DCLK2: variants seen among roughly 807,000 people sequenced by gnomAD.
The protein encoded by DCLK2 is doublecortin like kinase 2.
A neutral mutation model predicts 78.4 loss-of-function variants in DCLK2; 31 were observed. The ratio of observed to expected loss-of-function variants is 0.40; its 90% CI spans 0.30 to 0.53. The LOEUF (loss-of-function observed/expected upper bound fraction) is 0.53, where lower values mean the gene tolerates loss of function less well. Ranked by LOEUF, DCLK2 falls within the 20% of genes least tolerant of loss-of-function variation. The probability of loss-of-function intolerance (pLI) is 0.61; values close to 1 mark genes in which losing one functional copy is unlikely to be tolerated. For synonymous variants in DCLK2, 407 were observed against 374.9 expected, an observed-to-expected ratio of 1.09 and a Z score of -0.99; for missense variants, 872 against 973.7, an observed-to-expected ratio of 0.90 and a Z score of 1.39.
intron 3 of DCLK2, 113 bp downstream of exon 3, chr4:150,193,353 A>G (rs1738614230): frequency 1.7e-6 from 1 of 578,218 alleles, no homozygotes; most frequent in Non-Finnish European, 3.0e-6. Flanking sequence ...TGTTGAGGAA[A>G]GATAGCATTG....
chr4:150,186,894 ATGTG>A (rs10683241), intron 2 of DCLK2, among the ~76,000 whole-genome samples: 28,868 of 147,458 alleles, frequency 0.2, 2,819 homozygotes, highest in African/African-American at 0.22. Flanking sequence ...CTATCTCAAA[ATGTG>A]TGTGTGTGTG....
intron 8 of DCLK2, 113 bp downstream of exon 8, chr4:150,224,671 G>T: frequency 2.6e-6 from 2 of 782,600 alleles, no homozygotes; most frequent in Non-Finnish European, 3.9e-6. Flanking sequence ...AGCAGGAGTA[G>T]AGACCAGTAA....
At chr4:150,188,077 G>A (rs758817337) in intron 2 of DCLK2, among the ~76,000 whole-genome samples, 15 of 152,170 alleles carry the variant, frequency 9.9e-5, no homozygotes, top group South Asian at 2.1e-4. Context: ...GGGATTGCAC[G>A]CGTGAGCCAC....
At chr4:150,167,063 T>C (rs981530206) in intron 2 of DCLK2, among the ~76,000 whole-genome samples, 2 of 152,208 alleles carry the variant, frequency 1.3e-5, no homozygotes, top group South Asian at 4.1e-4. Context: ...GGTAATTCTC[T>C]TTGATATTCA....
In DCLK2 at chr4:150,078,837, C is replaced by G. The variant is rs1366820242; in HGVS notation, c.-191C>G. ...CCTGGGCAGCTCGGCGCTGCGGACA[C>G]TTTTAGCTGAGGGCGCGGGCGGGTC... On this transcript the variant is annotated 5_prime_UTR_variant, in exon 1 of 16. Transcript: ENST00000296550. The G allele has an allele frequency of 2.0e-5, 13 of 665,438 alleles. No homozygotes were observed. Among genetic ancestry groups the G allele is most frequent in the Non-Finnish European group, 2.8e-5 (12 of 428,968 alleles). The allele number at this position is 665,438 out of a possible 1,614,324, so 41.2% of individuals were successfully genotyped here.
At chr4:150,098,985 G>A (rs1291323501) in intron 1 of DCLK2, among the ~76,000 whole-genome samples, 9 of 152,106 alleles carry the variant, frequency 5.9e-5, no homozygotes, top group African/African-American at 1.7e-4. Flanking sequence ...ATGAGCCACC[G>A]TGCCTGGCCT....
At chr4:150,140,530 G>A (rs551914655) in intron 2 of DCLK2, among the ~76,000 whole-genome samples, 2 of 152,286 alleles carry the variant, frequency 1.3e-5, no homozygotes, top group African/African-American at 4.8e-5. Context: ...CTGCTTGGAA[G>A]AAATGGACTT....
intron 2 of DCLK2, among the ~76,000 whole-genome samples, chr4:150,146,668 AGT>A: frequency 6.6e-6 from 1 of 152,320 alleles, no homozygotes; most frequent in East Asian, 1.9e-4. Flanking sequence ...ATACATGGTC[AGT>A]GCCTAGCATA....
At position 150,129,855 on chromosome 4, in the gene DCLK2, TG is replaced by T. The variant is rs371196153; in HGVS notation, c.756+27045del. Among the ~76,000 whole-genome samples, 5 of 152,154 alleles carry T rather than the reference TG, an allele frequency of 3.3e-5. No homozygotes were observed. The East Asian group carries it at 7.7e-4, about 23-fold the overall frequency. On this transcript the variant is annotated intron_variant, in intron 2 of 15. Coordinates refer to ENST00000296550, the MANE Select transcript of DCLK2 (RefSeq NM_001040260.4). ...CCCAAAATAAAAAATTTCTTAACTA[TG>T]GAAAAGGAAATTTTTTTGAAGAGGT...
chr4:150,210,772 A>G (rs929202142), intron 5 of DCLK2, among the ~76,000 whole-genome samples: 1 of 151,532 alleles, frequency 6.6e-6, no homozygotes, highest in Non-Finnish European at 1.5e-5. Context: ...AAATGGTGAA[A>G]CCCTATCTCT....
In DCLK2 at chr4:150,193,136, A is replaced by C; in HGVS notation, c.757-2A>C. 6.3e-7 allele frequency: 1 copy of C among 1,588,492 alleles called. No individual in the cohort carries two copies. The highest frequency in any genetic ancestry group is 8.6e-7 in the Non-Finnish European group (1 of 1,159,908). ...TTTCTTGGACATGATTTTTGTTCTC[A>C]GGTTACTTGTCTGCAAGACTTTTTT... On this transcript the variant is annotated splice_acceptor_variant, in intron 2 of 15. Transcript: ENST00000296550. LOFTEE classifies it high-confidence loss of function.
chr4:150,098,006 G>A (rs940066720), intron 1 of DCLK2, among the ~76,000 whole-genome samples: 1 of 152,152 alleles, frequency 6.6e-6, no homozygotes, highest in East Asian at 1.9e-4. Context: ...CAATGAAGAA[G>A]AACACACCTT....
intron 10 of DCLK2, among the ~76,000 whole-genome samples, chr4:150,236,682 A>G (rs1410102509): frequency 6.6e-6 from 1 of 152,176 alleles, no homozygotes; most frequent in African/African-American, 2.4e-5. Context: ...ATATATGTAT[A>G]ATTTCTTCCT....
rs185658339 is a variant in DCLK2 at position 150,178,407 on chromosome 4, A to G, written c.757-14731A>G. Among the ~76,000 whole-genome samples the G allele has an allele frequency of 9.2e-5, 14 of 152,342 alleles. No homozygotes were observed. In the East Asian group the frequency reaches 2.5e-3, roughly 27 times the overall value. Reference sequence around the variant, plus strand: ...TCAATTTCACTTTTAAAATGTTGCCATAAATAATTCAAACGGATGGCATGC... The same window carrying G: ...TCAATTTCACTTTTAAAATGTTGCCGTAAATAATTCAAACGGATGGCATGC... On this transcript the variant is annotated intron_variant, in intron 2 of 15. Coordinates refer to ENST00000296550, the MANE Select transcript of DCLK2 (RefSeq NM_001040260.4).
At chr4:150,174,724 C>T (rs764306845) in intron 2 of DCLK2, among the ~76,000 whole-genome samples, 12 of 151,476 alleles carry the variant, frequency 7.9e-5, no homozygotes, top group East Asian at 2.0e-4. Flanking sequence ...AGGCTGGGCG[C>T]GGTGGCTCAC....
intron 2 of DCLK2, among the ~76,000 whole-genome samples, chr4:150,189,548 C>A (rs1265761631): frequency 6.6e-6 from 1 of 152,028 alleles, no homozygotes; most frequent in Non-Finnish European, 1.5e-5. Flanking sequence ...TATCTGTTTT[C>A]TTGTTTATAA....
intron 8 of DCLK2, among the ~76,000 whole-genome samples, chr4:150,225,333 CTT>C (rs1264244451): frequency 6.6e-6 from 1 of 152,182 alleles, no homozygotes; most frequent in African/African-American, 2.4e-5. Context: ...ATAAGATAAA[CTT>C]TTTTCCTTCT....
chr4:150,122,165 G>A (rs570286117), intron 2 of DCLK2, among the ~76,000 whole-genome samples: 82 of 152,100 alleles, frequency 5.4e-4, no homozygotes, highest in African/African-American at 1.8e-3. Flanking sequence ...CATTCCTCCC[G>A]AGCCCTGCTG....
chr4:150,202,208 GT>G (rs1294208883), intron 4 of DCLK2, among the ~76,000 whole-genome samples: 2 of 152,124 alleles, frequency 1.3e-5, no homozygotes, highest in African/African-American at 2.4e-5. Context: ...TTTTAAAGAA[GT>G]TTTTTTAGAA....
Sources: gnomAD v4.1 joint callset for allele counts (sites outside exome capture counted in the v4.1 genomes callset) on GRCh38, gnomAD v4.1.1 for gene constraint, MANE v1.5 for transcripts, NCBI Gene and HGNC (gene_info 2026-07-23, HGNC 2026-07-21) for gene names.